CT55: variants seen among roughly 807,000 people sequenced by gnomAD.
CT55 encodes cancer/testis antigen 55, also known as BRCA2-interacting protein.
A neutral mutation model predicts 12.6 loss-of-function variants in CT55; 1 was observed. The observed-to-expected ratio is 0.08, with a 90% CI of 0.03 to 0.38. The LOEUF (loss-of-function observed/expected upper bound fraction) is 0.38, where lower values mean the gene tolerates loss of function less well. Among genes scored for constraint, CT55 ranks in the 10% least tolerant of loss-of-function variants. The pLI, the probability that CT55 is intolerant of heterozygous loss-of-function variation, is 0.99. For missense variants in CT55, 109 were observed against 135.4 expected (o/e 0.80, Z 0.97); for synonymous variants, 43 against 49.7 (o/e 0.87, Z 0.57).
upstream of CT55, chrX:135,171,448 G>A (rs1285557588): frequency 1.3e-5 from 4 of 319,636 alleles, no homozygotes; most frequent in Admixed American, 1.8e-4. Flanking sequence ...ACCAATGGGC[G>A]TGCAGTGGGT....
chrX:135,160,635 T>G, intron 2 of CT55, 80 bp from the exon 3 acceptor site: 1 of 1,057,642 alleles, frequency 9.5e-7, no homozygotes, highest in African/African-American at 1.9e-5. Flanking sequence ...AGACTTGTAT[T>G]CAAAAATATT....
At position 135,158,206 on chromosome X, in the gene CT55, G is replaced by C. The variant is rs142030219; in HGVS notation, c.530C>G (p.Thr177Arg). 1 of 1,180,411 alleles carries C rather than the reference G, an allele frequency of 8.5e-7. No homozygotes were observed. Residue 177 changes from threonine (T) to arginine (R), a missense_variant, in exon 4 of 6, where the codon ACG (threonine) becomes AGG (arginine). Transcript: ENST00000276241. ...TSVKPIRCIH[T>R]EEVCITSVHG... ...CAACAGGAAAGAAATTACCTCTTCC[G>C]TATGAATACAACGGATGGGCTTCAC...
In CT55 at chrX:135,169,719, T is replaced by C. The variant is rs782738818; in HGVS notation, c.154A>G (p.Met52Val). Residue 52 changes from methionine (M) to valine (V), a missense_variant, in exon 2 of 6, where the codon ATG becomes GTG. Met to Val is a conservative substitution (Grantham distance 21, BLOSUM62 1). Transcript: ENST00000276241. ...VVTSFCGDYG[M>V]IDESIYFSSD... ...CTGAAGTAGATCGACTCATCAATCA[T>C]GCCATAATCACCACAGAAACTTGTG... 9.1e-6 allele frequency: 11 copies of C among 1,206,800 alleles called. No individual in the cohort carries two copies. Among genetic ancestry groups the C allele is most frequent in the African/African-American group, 5.3e-5 (3 of 57,059 alleles).
chrX:135,164,862 T>A (rs1201990462), intron 2 of CT55, among the ~76,000 whole-genome samples: 1 of 111,642 alleles, frequency 9.0e-6, no homozygotes, highest in Non-Finnish European at 1.9e-5. Flanking sequence ...GATGAAGGGG[T>A]CAATTCATCA....
chrX:135,169,850 T>C (rs1556406527), intron 1 of CT55, 72 bp from the exon 2 acceptor site: 12 of 753,669 alleles, frequency 1.6e-5, no homozygotes, highest in Non-Finnish European at 2.3e-5. Context: ...AGTCTTACAC[T>C]CACCATCTGC....
intron 3 of CT55, among the ~76,000 whole-genome samples, chrX:135,158,682 T>G (rs188118595): frequency 4.4e-4 from 49 of 112,379 alleles, no homozygotes; most frequent in African/African-American, 1.5e-3. Context: ...CTTCGAATCT[T>G]GACACTGCCA....
intron 2 of CT55, among the ~76,000 whole-genome samples, chrX:135,167,690 C>T (rs1382782733): frequency 9.0e-6 from 1 of 110,573 alleles, no homozygotes; most frequent in Non-Finnish European, 1.9e-5. Context: ...AAAACATTGA[C>T]AATCTATGTA....
chrX:135,159,868 T>C (rs1367258766), intron 3 of CT55, among the ~76,000 whole-genome samples: 1 of 110,632 alleles, frequency 9.0e-6, no homozygotes, highest in Non-Finnish European at 1.9e-5. Context: ...AAAAATATCG[T>C]TGGGTAGAAG....
intron 2 of CT55, among the ~76,000 whole-genome samples, chrX:135,163,908 C>A (rs1556405556): frequency 9.1e-6 from 1 of 110,431 alleles, no homozygotes; most frequent in African/African-American, 3.3e-5. Flanking sequence ...GTATAGTATA[C>A]TTTAGGAACA....
At chrX:135,161,024 C>T (rs1209399814) in intron 2 of CT55, among the ~76,000 whole-genome samples, 1 of 108,411 alleles carries the variant, frequency 9.2e-6, no homozygotes, top group Non-Finnish European at 1.9e-5. Flanking sequence ...GGAAAGAAGA[C>T]GGGGTAAAGG....
chrX:135,163,977 C>T (rs1425572563), intron 2 of CT55, among the ~76,000 whole-genome samples: 1 of 111,548 alleles, frequency 9.0e-6, no homozygotes, highest in Non-Finnish European at 1.9e-5. Context: ...GAGATAAAGA[C>T]TTTTACAGAG....
At chrX:135,162,067 C>A (rs2075040232) in intron 2 of CT55, among the ~76,000 whole-genome samples, 1 of 112,434 alleles carries the variant, frequency 8.9e-6, no homozygotes, top group Non-Finnish European at 1.9e-5. Context: ...CAAATAGATT[C>A]AAATGTTTAC....
chrX:135,159,371 G>A (rs782095272), intron 3 of CT55, among the ~76,000 whole-genome samples: 64 of 111,257 alleles, frequency 5.8e-4, no homozygotes, highest in African/African-American at 2.0e-3. Flanking sequence ...CCAATCTAAC[G>A]TGTGTAAAGC....
chrX:135,166,359 T>C (rs2083585314), intron 2 of CT55, among the ~76,000 whole-genome samples: 1 of 111,618 alleles, frequency 9.0e-6, no homozygotes. Flanking sequence ...AAAAAAGCCA[T>C]AGGTTCATTC....
intron 1 of CT55, among the ~76,000 whole-genome samples, chrX:135,170,587 T>C (rs782407687): frequency 5.2e-4 from 58 of 110,619 alleles, no homozygotes; most frequent in African/African-American, 1.8e-3. Flanking sequence ...TCTTCTTCTT[T>C]TTTTTTTATT....
Position 135,159,758 on chromosome X carries a change from G to A in CT55, c.424+653C>T, listed in dbSNP as rs781906117. 2.2e-4 allele frequency among the ~76,000 whole-genome samples: 25 copies of A among 111,896 alleles called. 1 individual carries two copies. The South Asian group carries it at 8.9e-3, about 40-fold the overall frequency. ...AAATGCAGGTCAGAATCCTGCTTTT[G>A]CACCCAAGAAAACAAACTAGCAAGC... On this transcript the variant is annotated intron_variant, in intron 3 of 5. Coordinates refer to ENST00000276241, the MANE Select transcript of CT55 (RefSeq NM_001031705.3).
intron 2 of CT55, among the ~76,000 whole-genome samples, chrX:135,161,157 G>A (rs1556405120): frequency 9.1e-6 from 1 of 110,383 alleles, no homozygotes; most frequent in African/African-American, 3.3e-5. Flanking sequence ...ACCTCAACTG[G>A]GGGAGGTTCG....
chrX:135,169,463 G>A, intron 2 of CT55, 131 bp downstream of exon 2: 1 of 407,155 alleles, frequency 2.5e-6, no homozygotes, highest in South Asian at 7.4e-5. Flanking sequence ...CAGAGGAGGG[G>A]GGCTTCAAAT....
At chrX:135,159,741 G>T (rs782226496) in intron 3 of CT55, among the ~76,000 whole-genome samples, 10 of 111,625 alleles carry the variant, frequency 9.0e-5, no homozygotes, top group Non-Finnish European at 1.7e-4. Context: ...CAAAATGCAG[G>T]TCAGAATCCT....
Sources: gnomAD v4.1 joint callset for allele counts (sites outside exome capture counted in the v4.1 genomes callset) on GRCh38, gnomAD v4.1.1 for gene constraint, MANE v1.5 for transcripts, NCBI Gene and HGNC (gene_info 2026-07-23, HGNC 2026-07-21) for gene names.